PTPRD: variants seen among roughly 807,000 people sequenced by gnomAD.
PTPRD encodes protein tyrosine phosphatase receptor type D.
Under a neutral mutation model 214.5 loss-of-function variants are expected in PTPRD, and 34 were observed. The observed-to-expected ratio is 0.16, with a 90% CI of 0.12 to 0.21. The LOEUF (loss-of-function observed/expected upper bound fraction) is 0.21. Ranked by LOEUF, PTPRD falls within the 10% of genes least tolerant of loss-of-function variation. The probability of loss-of-function intolerance (pLI) is 1.00; values close to 1 mark genes in which losing one functional copy is unlikely to be tolerated. For synonymous variants in PTPRD, 1,128 were observed against 845.7 expected, an observed-to-expected ratio of 1.33 and a Z score of -5.79; for missense variants, 2,545 against 2,398.7, an observed-to-expected ratio of 1.06 and a Z score of -1.27.
chr9:8,804,248 C>A (rs2096628967), intron 11 of PTPRD, among the ~76,000 whole-genome samples: 1 of 152,020 alleles, frequency 6.6e-6, no homozygotes. Context: ...CCACTGTGCC[C>A]AGCCCCTCAT....
chr9:9,116,764 C>T (rs983314516), intron 10 of PTPRD, among the ~76,000 whole-genome samples: 1 of 152,118 alleles, frequency 6.6e-6, no homozygotes, highest in Admixed American at 6.6e-5. Context: ...ACAGAAAATG[C>T]TCCTCTACAT....
chr9:10,462,719 AAAG>A (rs1473586680), intron 2 of PTPRD, among the ~76,000 whole-genome samples: 5 of 149,462 alleles, frequency 3.3e-5, no homozygotes, highest in South Asian at 2.1e-4. Flanking sequence ...AAAGGAAAAA[AAAG>A]AAGGATATAA....
At chr9:9,231,766 T>G (rs1050294370) in intron 9 of PTPRD, among the ~76,000 whole-genome samples, 1 of 152,162 alleles carries the variant, frequency 6.6e-6, no homozygotes, top group Non-Finnish European at 1.5e-5. Context: ...AGTTATAGGG[T>G]ACATGTGCAC....
At chr9:8,659,342 C>A (rs1263219664) in intron 12 of PTPRD, among the ~76,000 whole-genome samples, 1 of 152,188 alleles carries the variant, frequency 6.6e-6, no homozygotes, top group Non-Finnish European at 1.5e-5. Context: ...CAGCTGAAAA[C>A]TGATTTAAGA....
chr9:8,819,538 G>C (rs1179487051), intron 11 of PTPRD, among the ~76,000 whole-genome samples: 1 of 152,092 alleles, frequency 6.6e-6, no homozygotes, highest in Admixed American at 6.5e-5. Context: ...GCACATGCCT[G>C]TAGTCCCAGC....
chr9:9,827,187 C>T (rs1244323429), intron 5 of PTPRD, among the ~76,000 whole-genome samples: 3 of 152,074 alleles, frequency 2.0e-5, no homozygotes, highest in East Asian at 1.9e-4. Flanking sequence ...AAAAAAGAGC[C>T]CACATTGCCA....
intron 8 of PTPRD, among the ~76,000 whole-genome samples, chr9:9,408,246 G>T (rs565068005): frequency 6.6e-6 from 1 of 151,730 alleles, no homozygotes; most frequent in East Asian, 1.9e-4. Flanking sequence ...GTGCAAATTG[G>T]GTATCACTTC....
rs773426705 is a variant in PTPRD at position 10,329,626 on chromosome 9, C to T, written c.-545+11337G>A. On this transcript the variant is annotated intron_variant, in intron 3 of 45. Transcript: ENST00000381196. ...GTGGTTAAGCCATTTTATACAAATA[C>T]CTGTTTTTAAAAAGATACAAGTATA... Among the ~76,000 whole-genome samples the T allele has an allele frequency of 1.3e-5, 2 of 151,616 alleles. 1 individual carries two copies. The highest frequency in any genetic ancestry group is 1.3e-4 in the Admixed American group (2 of 15,176).
At chr9:8,503,827 T>C in intron 23 of PTPRD, among the ~76,000 whole-genome samples, 1 of 152,200 alleles carries the variant, frequency 6.6e-6, no homozygotes, top group Non-Finnish European at 1.5e-5. Context: ...TAAGGACTTG[T>C]TTGATTGCAA....
intron 8 of PTPRD, among the ~76,000 whole-genome samples, chr9:9,521,533 T>G (rs2096972266): frequency 6.6e-6 from 1 of 152,114 alleles, no homozygotes; most frequent in South Asian, 2.1e-4. Flanking sequence ...CATTGGGAAG[T>G]AGTGCTTCCT....
intron 21 of PTPRD, among the ~76,000 whole-genome samples, chr9:8,508,801 G>A (rs1027620240): frequency 2.0e-5 from 3 of 151,880 alleles, no homozygotes; most frequent in Non-Finnish European, 4.4e-5. Flanking sequence ...CTTTGTTAAA[G>A]CAGTCTGCAA....
At chr9:8,752,329 T>G (rs2093615562) in intron 11 of PTPRD, among the ~76,000 whole-genome samples, 1 of 152,060 alleles carries the variant, frequency 6.6e-6, no homozygotes, top group African/African-American at 2.4e-5. Context: ...TGCTACACTT[T>G]CAACAGTGCC....
chr9:9,012,567 C>T (rs904319655), intron 11 of PTPRD, among the ~76,000 whole-genome samples: 1 of 152,118 alleles, frequency 6.6e-6, no homozygotes, highest in Non-Finnish European at 1.5e-5. Flanking sequence ...AGATGCTTTC[C>T]TTTCACATGC....
intron 5 of PTPRD, among the ~76,000 whole-genome samples, chr9:9,935,464 C>A (rs1308834310): frequency 6.6e-6 from 1 of 151,968 alleles, no homozygotes; most frequent in East Asian, 1.9e-4. Flanking sequence ...CATGAGTGAA[C>A]TCCCATTCAC....
intron 10 of PTPRD, among the ~76,000 whole-genome samples, chr9:9,157,740 G>A (rs2099882508): frequency 6.6e-6 from 1 of 151,854 alleles, no homozygotes; most frequent in African/African-American, 2.4e-5. Flanking sequence ...TAAAGTTCTG[G>A]TGTACACGTC....
chr9:10,208,417 G>A, intron 3 of PTPRD, among the ~76,000 whole-genome samples: 1 of 152,192 alleles, frequency 6.6e-6, no homozygotes, highest in Non-Finnish European at 1.5e-5. Flanking sequence ...GGGAGGCTGA[G>A]GCAGGAGAAG....
intron 11 of PTPRD, among the ~76,000 whole-genome samples, chr9:8,749,888 A>T (rs937175443): frequency 9.9e-5 from 15 of 151,962 alleles, no homozygotes; most frequent in Admixed American, 6.6e-5. Context: ...GATGATCTGA[A>T]GTCAGGAGTT....
intron 39 of PTPRD, among the ~76,000 whole-genome samples, chr9:8,366,624 T>C (rs1280166801): frequency 6.6e-6 from 1 of 152,208 alleles, no homozygotes; most frequent in East Asian, 1.9e-4. Flanking sequence ...ACCTGCAAGC[T>C]TGAGGAGGCA....
chr9:9,904,600 A>T (rs1227746493), intron 5 of PTPRD, among the ~76,000 whole-genome samples: 4 of 152,036 alleles, frequency 2.6e-5, no homozygotes, highest in Non-Finnish European at 5.9e-5. Flanking sequence ...CTACAAAATA[A>T]GCAGAAAAAT....
Sources: gnomAD v4.1 joint callset for allele counts (sites outside exome capture counted in the v4.1 genomes callset) on GRCh38, gnomAD v4.1.1 for gene constraint, MANE v1.5 for transcripts, NCBI Gene and HGNC (gene_info 2026-07-23, HGNC 2026-07-21) for gene names.